The following WWOX variants were observed in gnomAD, a reference collection of about 807,000 sequenced individuals.
WWOX encodes WW domain-containing oxidoreductase.
WWOX carries 69 observed loss-of-function variants against 46.2 expected under a neutral mutation model. That is an observed-to-expected ratio of 1.49 (90% CI 1.23 to 1.82). WWOX has a LOEUF of 1.82. Among genes scored for constraint, WWOX ranks in the 40% most tolerant of loss-of-function variants. The probability of loss-of-function intolerance (pLI) is 0.00; values close to 1 mark genes in which losing one functional copy is unlikely to be tolerated. For missense variants in WWOX, 919 were observed against 542.6 expected (o/e 1.69, Z -6.89); for synonymous variants, 359 against 202.6 (o/e 1.77, Z -6.56).
intron 8 of WWOX, among the ~76,000 whole-genome samples, chr16:78,643,922 A>G (rs1426036416): frequency 6.6e-6 from 1 of 152,074 alleles, no homozygotes; most frequent in Non-Finnish European, 1.5e-5. Flanking sequence ...TATTAAAACA[A>G]ACAAACAACA....
Position 78,953,727 on chromosome 16 carries a change from C to G in WWOX, c.1057-257881C>G, listed in dbSNP as rs1003567454. ...GCATGCATGAATGGATAAACTCTTT[C>G]CTGGAATGCCTGCTCTCATCACCTG... On this transcript the variant is annotated intron_variant, in intron 8 of 8. Coordinates refer to ENST00000566780, the MANE Select transcript of WWOX (RefSeq NM_016373.4). 2.2e-4 allele frequency among the ~76,000 whole-genome samples: 34 copies of G among 152,274 alleles called. 1 individual carries two copies. The highest frequency in any genetic ancestry group is 2.0e-3 in the Admixed American group (31 of 15,290).
chr16:78,958,471 G>C (rs556282501), intron 8 of WWOX, among the ~76,000 whole-genome samples: 1 of 152,114 alleles, frequency 6.6e-6, no homozygotes, highest in East Asian at 1.9e-4. Flanking sequence ...GAGGTTTTAT[G>C]GTTCTGAAAT....
chr16:78,397,387 G>C (rs531448776), intron 6 of WWOX, among the ~76,000 whole-genome samples: 2 of 152,148 alleles, frequency 1.3e-5, no homozygotes, highest in Non-Finnish European at 2.9e-5. Context: ...GACTCTAAGA[G>C]TGGGTTAAAA....
chr16:78,574,984 ATATT>A (rs1183539157), intron 8 of WWOX, among the ~76,000 whole-genome samples: 103 of 96,086 alleles, frequency 1.1e-3, no homozygotes, highest in African/African-American at 3.6e-3. Context: ...AATATATTCA[ATATT>A]TATTTTTCAA....
At chr16:78,432,781 C>T (rs1488212538) in intron 8 of WWOX, 29 bp downstream of exon 8, 4 of 1,613,856 alleles carry the variant, frequency 2.5e-6, no homozygotes, top group South Asian at 2.2e-5. Flanking sequence ...GCGCCGCAAA[C>T]ACCTTGGGTC....
intron 8 of WWOX, among the ~76,000 whole-genome samples, chr16:78,528,165 A>ATT (rs56803717): frequency 0.023 from 1,345 of 58,334 alleles, 139 homozygotes; most frequent in Middle Eastern, 0.045. Flanking sequence ...CACCTGGCTA[A>ATT]TTTTTTTTTT....
At chr16:78,722,525 T>C (rs916735974) in intron 8 of WWOX, among the ~76,000 whole-genome samples, 2 of 152,116 alleles carry the variant, frequency 1.3e-5, no homozygotes, top group African/African-American at 4.8e-5. Flanking sequence ...ATATTTTATT[T>C]CATGGAGTTC....
intron 8 of WWOX, among the ~76,000 whole-genome samples, chr16:78,765,550 G>A (rs2049906931): frequency 6.6e-6 from 1 of 152,084 alleles, no homozygotes; most frequent in South Asian, 2.1e-4. Context: ...GTGATAGCGG[G>A]CGCCTGTAAT....
chr16:78,733,820 C>G (rs559064095), intron 8 of WWOX, among the ~76,000 whole-genome samples: 2 of 152,012 alleles, frequency 1.3e-5, no homozygotes, highest in Non-Finnish European at 2.9e-5. Context: ...CATCCCAGCA[C>G]TTTGGGAGTC....
At chr16:78,292,260 AGGCGTGG>A in intron 5 of WWOX, among the ~76,000 whole-genome samples, 1 of 152,194 alleles carries the variant, frequency 6.6e-6, no homozygotes. Flanking sequence ...TCCTATCCTA[AGGCGTGG>A]CCCATAGTAA....
chr16:79,066,722 C>CA (rs1458347986), intron 8 of WWOX, among the ~76,000 whole-genome samples: 8 of 152,226 alleles, frequency 5.3e-5, no homozygotes, highest in Non-Finnish European at 1.0e-4. Context: ...CCTGCCGCCT[C>CA]AAGGGACCAC....
chr16:78,684,271 C>T (rs887621763), intron 8 of WWOX, among the ~76,000 whole-genome samples: 1 of 152,160 alleles, frequency 6.6e-6, no homozygotes, highest in Non-Finnish European at 1.5e-5. Flanking sequence ...ATGATTGGAC[C>T]TGCGGTCTGT....
chr16:78,699,247 C>T (rs1239517722), intron 8 of WWOX, among the ~76,000 whole-genome samples: 1 of 152,136 alleles, frequency 6.6e-6, no homozygotes, highest in South Asian at 2.1e-4. Flanking sequence ...ATTACAAGTT[C>T]ATGCAGCACG....
chr16:78,388,153 C>T (rs113102702), intron 6 of WWOX, among the ~76,000 whole-genome samples: 90 of 152,296 alleles, frequency 5.9e-4, no homozygotes, highest in African/African-American at 2.1e-3. Context: ...GTCCCAGCCT[C>T]CTGAGTAGCT....
At chr16:78,564,785 T>A (rs986589911) in intron 8 of WWOX, among the ~76,000 whole-genome samples, 2 of 152,208 alleles carry the variant, frequency 1.3e-5, no homozygotes, top group Non-Finnish European at 2.9e-5. Context: ...TTAAAAATTT[T>A]AACTTAAATT....
chr16:78,221,532 C>A (rs116146744), intron 5 of WWOX, among the ~76,000 whole-genome samples: 1 of 152,122 alleles, frequency 6.6e-6, no homozygotes, highest in African/African-American at 2.4e-5. Context: ...TCTTGTCTTT[C>A]CTCAGAAGGC....
intron 8 of WWOX, among the ~76,000 whole-genome samples, chr16:78,674,171 T>A (rs970278970): frequency 6.6e-6 from 1 of 152,118 alleles, no homozygotes; most frequent in African/African-American, 2.4e-5. Flanking sequence ...CAGAGACTTA[T>A]TGTTTTGGTT....
intron 3 of WWOX, 28 bp downstream of exon 3, chr16:78,109,863 A>G: frequency 6.2e-7 from 1 of 1,613,860 alleles, no homozygotes; most frequent in Non-Finnish European, 8.5e-7. Flanking sequence ...AACCACTCTC[A>G]GCTGTTTTGC....
At chr16:78,940,482 G>A (rs1011658481) in intron 8 of WWOX, among the ~76,000 whole-genome samples, 2 of 152,092 alleles carry the variant, frequency 1.3e-5, no homozygotes, top group Non-Finnish European at 2.9e-5. Context: ...AGGAGTATCC[G>A]GTGTTAGGAG....
Sources: gnomAD v4.1 joint callset for allele counts (sites outside exome capture counted in the v4.1 genomes callset) on GRCh38, gnomAD v4.1.1 for gene constraint, MANE v1.5 for transcripts, NCBI Gene and HGNC (gene_info 2026-07-23, HGNC 2026-07-21) for gene names.